Variants in GABRA4 observed in about 807,000 individuals in gnomAD.
The protein encoded by GABRA4 is gamma-aminobutyric acid receptor subunit alpha-4.
A neutral mutation model predicts 49.7 loss-of-function variants in GABRA4; 12 were observed. The observed-to-expected ratio is 0.24, with a 90% CI of 0.15 to 0.39. The LOEUF is 0.39. Among genes scored for constraint, GABRA4 ranks in the 10% least tolerant of loss-of-function variants. GABRA4 has a pLI of 1.00. For missense variants in GABRA4, 506 were observed against 686.0 expected (o/e 0.74, Z 2.93); for synonymous variants, 288 against 240.2 (o/e 1.20, Z -1.84).
rs1394048917 is a variant in GABRA4, at chr4:46,921,308, T to C, written c.*6917A>G. On this transcript the variant is annotated 3_prime_UTR_variant, in exon 9 of 9. Coordinates refer to ENST00000264318, the MANE Select transcript of GABRA4 (RefSeq NM_000809.4). ...ACTGATGAATTGAAGGACAGGAAAA[T>C]ATAAACAGTGTAATAAATTAACATT... is the stretch of plus-strand genomic sequence containing the variant. 6.6e-6 allele frequency: 1 copy of C among 151,542 alleles called. No homozygotes were observed. Among genetic ancestry groups the C allele is most frequent in the Non-Finnish European group, 1.5e-5 (1 of 67,786 alleles). 9.4% of individuals were successfully genotyped at this position (151,542 alleles called of 1,614,324 possible).
chr4:46,968,379 A>T (rs955810101), intron 7 of GABRA4, among the ~76,000 whole-genome samples: 2 of 151,326 alleles, frequency 1.3e-5, no homozygotes, highest in Non-Finnish European at 3.0e-5. Flanking sequence ...CTAATGAAAA[A>T]AAAAACACCC....
chr4:46,947,874 C>T (rs571286079), intron 8 of GABRA4, among the ~76,000 whole-genome samples: 4 of 152,052 alleles, frequency 2.6e-5, no homozygotes, highest in Non-Finnish European at 5.9e-5. Flanking sequence ...TGGAGGCTGG[C>T]TGGACTCAGG....
At chr4:46,960,164 G>A (rs871206) in intron 8 of GABRA4, among the ~76,000 whole-genome samples, 78,834 of 151,076 alleles carry the variant, frequency 0.52, 20,867 homozygotes, top group East Asian at 0.71. Context: ...AATAGAATTT[G>A]AGGAAAAAAC....
chr4:46,931,761 C>G (rs1335528051), intron 8 of GABRA4, among the ~76,000 whole-genome samples: 2 of 152,174 alleles, frequency 1.3e-5, no homozygotes, highest in Non-Finnish European at 2.9e-5. Context: ...ACCATAAGAA[C>G]AGGTCAGCCT....
chr4:46,968,253 C>G (rs1577779254), intron 7 of GABRA4, among the ~76,000 whole-genome samples: 1 of 151,392 alleles, frequency 6.6e-6, no homozygotes, highest in Non-Finnish European at 1.5e-5. Flanking sequence ...CAATGATAGT[C>G]TAATAATTAT....
At chr4:46,929,652 TGAAG>T (rs1299980112) in intron 8 of GABRA4, among the ~76,000 whole-genome samples, 1 of 152,128 alleles carries the variant, frequency 6.6e-6, no homozygotes, top group Non-Finnish European at 1.5e-5. Flanking sequence ...TCCATGCTAA[TGAAG>T]GACAGTAATT....
At chr4:46,934,207 A>G (rs1001865435) in intron 8 of GABRA4, among the ~76,000 whole-genome samples, 16 of 152,272 alleles carry the variant, frequency 1.1e-4, no homozygotes, top group African/African-American at 3.6e-4. Flanking sequence ...TAGAATATCA[A>G]TGAGTCACAT....
chr4:46,962,937 G>T (rs980975296), intron 8 of GABRA4, among the ~76,000 whole-genome samples: 1 of 151,682 alleles, frequency 6.6e-6, no homozygotes. Flanking sequence ...CCCTATCTCT[G>T]CCATATACAA....
chr4:46,955,727 T>C (rs556001567), intron 8 of GABRA4, among the ~76,000 whole-genome samples: 3 of 152,202 alleles, frequency 2.0e-5, no homozygotes, highest in African/African-American at 7.2e-5. Context: ...TATAAAGGTT[T>C]GTATTTCAGG....
intron 6 of GABRA4, among the ~76,000 whole-genome samples, chr4:46,971,785 G>A (rs954052236): frequency 1.3e-5 from 2 of 151,200 alleles, no homozygotes; most frequent in African/African-American, 4.8e-5. Flanking sequence ...GGCTACCATA[G>A]TTTTAGGAAA....
At chr4:46,979,191 T>C in intron 2 of GABRA4, 93 bp from the exon 3 acceptor site, 2 of 733,144 alleles carry the variant, frequency 2.7e-6, no homozygotes, top group African/African-American at 1.8e-5. Context: ...ACAGATATGA[T>C]ATATCATGTT....
At chr4:46,968,623 G>A (rs968295977) in intron 7 of GABRA4, among the ~76,000 whole-genome samples, 2 of 151,570 alleles carry the variant, frequency 1.3e-5, no homozygotes, top group Non-Finnish European at 3.0e-5. Flanking sequence ...TAATTATTAA[G>A]GTTAACAATA....
intron 8 of GABRA4, among the ~76,000 whole-genome samples, chr4:46,932,666 A>G (rs1225046105): frequency 6.6e-6 from 1 of 152,190 alleles, no homozygotes; most frequent in East Asian, 1.9e-4. Context: ...ATATTCAATT[A>G]TGGATTCCTG....
chr4:46,979,019 GA>G lies in GABRA4; in HGVS notation c.273+11del. 1 of 1,586,670 alleles carries G rather than the reference GA, an allele frequency of 6.3e-7. No homozygotes were observed. The highest frequency in any genetic ancestry group is 8.6e-7 in the Non-Finnish European group (1 of 1,157,092). ...AGTCTCAAAAGGTACATTAAACTTC[GA>G]AAATACCTACCATTTCAACATCAGA... On this transcript the variant is annotated intron_variant, in intron 3 of 8. Transcript: ENST00000264318.
intron 8 of GABRA4, among the ~76,000 whole-genome samples, chr4:46,945,681 G>A: frequency 6.6e-6 from 1 of 152,010 alleles, no homozygotes; most frequent in East Asian, 1.9e-4. Context: ...AGACCCTATA[G>A]GAGGAAAATT....
chr4:46,960,823 G>A (rs1021396708), intron 8 of GABRA4, among the ~76,000 whole-genome samples: 10 of 151,540 alleles, frequency 6.6e-5, no homozygotes, highest in African/African-American at 2.2e-4. Flanking sequence ...GCTAGAAAAG[G>A]AGTAACAAAA....
intron 8 of GABRA4, among the ~76,000 whole-genome samples, chr4:46,946,742 G>A (rs1189363581): frequency 6.6e-6 from 1 of 152,106 alleles, no homozygotes; most frequent in East Asian, 1.9e-4. Context: ...ATAAATAAAT[G>A]TGCGTAAGTT....
At position 46,971,141 on chromosome 4, in the gene GABRA4, A is replaced by G. The variant is rs1428493603; in HGVS notation, c.816T>C (p.Ile272=). The G allele has an allele frequency of 3.7e-6, 6 of 1,609,752 alleles. No homozygotes were observed. The highest frequency in any genetic ancestry group is 5.1e-6 in the Non-Finnish European group (6 of 1,177,146). The change falls in exon 7 of 9, where the codon ATT becomes ATC. Residue 272 remains isoleucine, a synonymous_variant. Transcript: ENST00000264318. ...QTYIPCIMTV[I]LSQVSFWINK... is the part of the protein sequence containing the mutation. ...TTATCCAAAATGAAACTTGAGAAAGAATCACTGTCATAATGCACGGAATAT... is the reference window on the plus strand; with the variant it reads ...TTATCCAAAATGAAACTTGAGAAAGGATCACTGTCATAATGCACGGAATAT...
intron 7 of GABRA4, among the ~76,000 whole-genome samples, chr4:46,968,732 G>A (rs1424777633): frequency 1.3e-5 from 2 of 151,326 alleles, no homozygotes; most frequent in Admixed American, 1.3e-4. Context: ...GGAAATGTTG[G>A]GTGAGTACAG....
Sources: allele counts gnomAD v4.1 joint callset (sites outside exome capture counted in the v4.1 genomes callset), GRCh38; gene constraint gnomAD v4.1.1; transcripts MANE v1.5; gene names NCBI Gene and HGNC (gene_info 2026-07-23, HGNC 2026-07-21).